The following ZC3H13 variants were observed in gnomAD, a reference collection of about 807,000 sequenced individuals.
ZC3H13 encodes zinc finger CCCH domain-containing protein 13.
In ZC3H13, 64 loss-of-function variants were observed where a neutral mutation model predicts 204.1. The observed-to-expected ratio is 0.31, with a 90% CI of 0.26 to 0.39. ZC3H13 has a LOEUF of 0.39. ZC3H13 is among the 10% of genes least tolerant of loss of function. The pLI, the probability that ZC3H13 is intolerant of heterozygous loss-of-function variation, is 1.00. For missense variants in ZC3H13, 1,833 were observed against 2,082.7 expected (o/e 0.88, Z 2.33); for synonymous variants, 667 against 693.7 (o/e 0.96, Z 0.60).
chr13:45,979,772 T>A, intron 11 of ZC3H13, 41 bp downstream of exon 11: 2 of 1,507,336 alleles, frequency 1.3e-6, no homozygotes, highest in Non-Finnish European at 1.8e-6. Flanking sequence ...ATTCGCCCAA[T>A]TGATATTGTT....
chr13:46,020,147 G>A (rs575831345), intron 5 of ZC3H13, among the ~76,000 whole-genome samples: 7 of 152,078 alleles, frequency 4.6e-5, no homozygotes, highest in Admixed American at 2.0e-4. Flanking sequence ...TAAGCTTAGC[G>A]TTAGGAATTT....
chr13:46,012,010 A>G (rs930623052), intron 5 of ZC3H13, among the ~76,000 whole-genome samples: 11 of 152,218 alleles, frequency 7.2e-5, no homozygotes, highest in Non-Finnish European at 1.3e-4. Flanking sequence ...CATTGCTTCC[A>G]TAGGCTTTTC....
Position 45,969,733 on chromosome 13 carries a change from A to G in ZC3H13, c.2811T>C (p.Ile937=). Residue 937 remains isoleucine, a synonymous_variant, in exon 14 of 19, where the codon ATT becomes ATC. Transcript: ENST00000679008. ...GATCTTCAGACTGGTGGTGTCCTAT[A>G]ATGTCCTGTGCACGCATTCTTGAGC... is the stretch of plus-strand genomic sequence containing the variant. ...LESSRMRAQD[I]IGHHQSEDRE... The G allele has an allele frequency of 1.2e-6, 2 of 1,613,778 alleles. No homozygotes were observed. Among genetic ancestry groups the G allele is most frequent in the South Asian group, 1.1e-5 (1 of 91,066 alleles).
chr13:45,996,491 C>G (rs888871869), intron 8 of ZC3H13, among the ~76,000 whole-genome samples: 1 of 152,166 alleles, frequency 6.6e-6, no homozygotes, highest in African/African-American at 2.4e-5. Flanking sequence ...CTAATGGAAA[C>G]TTCCAGAAAT....
At position 45,969,726 on chromosome 13, in the gene ZC3H13, G is replaced by A. The variant is rs759328504; in HGVS notation, c.2818C>T (p.His940Tyr). ...SRMRAQDIIG[H>Y]HQSEDRETSD... Reference sequence around the variant, plus strand: ...GTCTCTCGATCTTCAGACTGGTGGTGTCCTATAATGTCCTGTGCACGCATT... The same window carrying A: ...GTCTCTCGATCTTCAGACTGGTGGTATCCTATAATGTCCTGTGCACGCATT... Residue 940 changes from histidine (H) to tyrosine (Y), a missense_variant, in exon 14 of 19, where the codon CAC becomes TAC. By Grantham distance (83) the His-to-Tyr change is moderately conservative. Coordinates refer to ENST00000679008, the MANE Select transcript of ZC3H13 (RefSeq NM_001330564.2). The A allele has an allele frequency of 3.3e-5, 54 of 1,613,616 alleles. 1 individual carries two copies. Among genetic ancestry groups the A allele is most frequent in the African/African-American group, 1.3e-5 (1 of 74,884 alleles).
chr13:45,959,802 A>C (rs1015653111), intron 17 of ZC3H13, among the ~76,000 whole-genome samples, 156 bp from the exon 18 acceptor site: 2 of 152,214 alleles, frequency 1.3e-5, no homozygotes, highest in African/African-American at 4.8e-5. Flanking sequence ...TCTGTGAAGC[A>C]CCTTCAACAC....
At chr13:46,003,651 AAG>A (rs1475358119) in intron 7 of ZC3H13, among the ~76,000 whole-genome samples, 2 of 151,836 alleles carry the variant, frequency 1.3e-5, no homozygotes, top group African/African-American at 4.8e-5. Context: ...GTTTTTTTTT[AAG>A]ACAGAAAAGT....
intron 6 of ZC3H13, among the ~76,000 whole-genome samples, chr13:46,010,736 CAA>C (rs1180047573): frequency 3.0e-5 from 4 of 135,456 alleles, no homozygotes; most frequent in Admixed American, 7.5e-5. Flanking sequence ...ATCTCTTATA[CAA>C]AAAAAAAAAA....
intron 8 of ZC3H13, among the ~76,000 whole-genome samples, chr13:45,996,513 A>G (rs2040343489): frequency 1.3e-5 from 2 of 152,198 alleles, no homozygotes; most frequent in South Asian, 4.1e-4. Context: ...AACAATTCAT[A>G]TGTTTTAAAT....
intron 12 of ZC3H13, among the ~76,000 whole-genome samples, chr13:45,972,759 T>A (rs1319148615): frequency 6.6e-6 from 1 of 152,210 alleles, no homozygotes; most frequent in Non-Finnish European, 1.5e-5. Context: ...CCATTTTTCA[T>A]ATCTAATGAC....
chr13:45,974,332 G>A (rs1952835305), intron 12 of ZC3H13, among the ~76,000 whole-genome samples: 3 of 152,124 alleles, frequency 2.0e-5, no homozygotes, highest in Admixed American at 2.0e-4. Flanking sequence ...GACAACTCTG[G>A]GGCCATCTTA....
At chr13:46,033,433 TA>T (rs1454807358) in intron 4 of ZC3H13, among the ~76,000 whole-genome samples, 2 of 152,078 alleles carry the variant, frequency 1.3e-5, no homozygotes, top group Non-Finnish European at 2.9e-5. Flanking sequence ...CTGAAACTAT[TA>T]AATGTAATGT....
intron 4 of ZC3H13, among the ~76,000 whole-genome samples, chr13:46,035,583 A>T (rs939092999): frequency 6.6e-6 from 1 of 152,210 alleles, no homozygotes; most frequent in Non-Finnish European, 1.5e-5. Flanking sequence ...TTATACTCTT[A>T]TCCTTCTAAG....
At chr13:45,975,212 A>G in intron 12 of ZC3H13, 71 bp downstream of exon 12, 1 of 1,532,942 alleles carries the variant, frequency 6.5e-7, no homozygotes, top group South Asian at 1.3e-5. Context: ...GTATATTGAA[A>G]AGCATTAAAT....
rs141562533 is a variant in ZC3H13, at chr13:46,049,013, G to A, written c.-10+3391C>T. ...CTAAAAATACAAAAATTAGCTGGGT[G>A]TGGCGGTGCACGCCTGTAATCCCAG... On this transcript the variant is annotated intron_variant, in intron 1 of 18. Transcript: ENST00000679008. 9.9e-3 allele frequency among the ~76,000 whole-genome samples: 1,500 copies of A among 152,062 alleles called. 27 individuals are homozygous for A. Among genetic ancestry groups the A allele is most frequent in the African/African-American group, 0.034 (1,404 of 41,434 alleles).
chr13:46,001,770 ACC>A (rs1455218469), intron 8 of ZC3H13, among the ~76,000 whole-genome samples: 6 of 11,672 alleles, frequency 5.1e-4, no homozygotes, highest in African/African-American at 4.7e-3. Context: ...AATGTCAATC[ACC>A]AAAAACATTT....
At chr13:45,997,073 G>A (rs1449485220) in intron 8 of ZC3H13, among the ~76,000 whole-genome samples, 1 of 152,172 alleles carries the variant, frequency 6.6e-6, no homozygotes, top group Non-Finnish European at 1.5e-5. Flanking sequence ...TTTTCTGAAA[G>A]CACAGTAATA....
chr13:46,013,273 G>A (rs1248954979), intron 5 of ZC3H13, among the ~76,000 whole-genome samples: 1 of 152,072 alleles, frequency 6.6e-6, no homozygotes, highest in African/African-American at 2.4e-5. Context: ...AATTAGCTGG[G>A]CGAGGTGGCG....
chr13:45,969,027 C>T lies in ZC3H13; in HGVS notation c.3517G>A (p.Val1173Met), dbSNP rs753185023. The change falls in exon 14 of 19, where the codon GTG (valine) becomes ATG (methionine). Residue 1173 changes from valine (V) to methionine (M), a missense_variant. Coordinates refer to ENST00000679008, the MANE Select transcript of ZC3H13 (RefSeq NM_001330564.2). ...TRVEKVETPH[V>M]TIEDAQHRKP... is the part of the protein sequence containing the mutation. ...CGATGCTGTGCATCTTCTATAGTCA[C>T]GTGAGGCGTCTCTACTTTTTCTACT... 17 of 1,614,064 alleles carry T rather than the reference C, an allele frequency of 1.1e-5. No homozygotes were observed. Among genetic ancestry groups the T allele is most frequent in the South Asian group, 7.7e-5 (7 of 91,082 alleles).
Sources: gnomAD v4.1 joint callset for allele counts (sites outside exome capture counted in the v4.1 genomes callset) on GRCh38, gnomAD v4.1.1 for gene constraint, MANE v1.5 for transcripts, NCBI Gene and HGNC (gene_info 2026-07-23, HGNC 2026-07-21) for gene names.